Variants in LARGE1 observed in about 807,000 individuals in gnomAD.
LARGE1 encodes the protein LARGE xylosyl- and glucuronyltransferase 1.
LARGE1 carries 43 observed loss-of-function variants against 87.6 expected under a neutral mutation model. That is an observed-to-expected ratio of 0.49 (90% confidence interval 0.38 to 0.63). The LOEUF (loss-of-function observed/expected upper bound fraction) is 0.63. LARGE1 is among the 30% of genes least tolerant of loss of function. LARGE1 has a pLI of 0.00. For missense variants in LARGE1, 802 were observed against 1,000.2 expected (o/e 0.80, Z 2.67); for synonymous variants, 434 against 394.6 (o/e 1.10, Z -1.18).
At chr22:33,174,672 C>G (rs1019993337) in intron 11 of LARGE1, among the ~76,000 whole-genome samples, 1 of 152,040 alleles carries the variant, frequency 6.6e-6, no homozygotes, top group African/African-American at 2.4e-5. Context: ...CACCACGGAT[C>G]CCATAGAAAT....
the LARGE1 span, among the ~76,000 whole-genome samples, chr22:33,118,335 A>T: frequency 6.6e-6 from 1 of 151,798 alleles, no homozygotes; most frequent in Admixed American, 6.6e-5. Context: ...AAAAATAAAA[A>T]TAAAAAATTA....
At chr22:33,719,939 A>C (rs994753898) in intron 2 of LARGE1, among the ~76,000 whole-genome samples, 22 of 152,270 alleles carry the variant, frequency 1.4e-4, no homozygotes, top group Admixed American at 1.4e-3. Flanking sequence ...TGCTGCCTAG[A>C]GGCAATAGGC....
intron 11 of LARGE1, chr22:33,166,859 G>A: frequency 2.1e-6 from 1 of 471,268 alleles, no homozygotes; most frequent in Non-Finnish European, 4.4e-6. Context: ...ATGAGAAAGG[G>A]TTGATTCAAA....
chr22:33,810,462 T>C (rs953852501), intron 1 of LARGE1, among the ~76,000 whole-genome samples: 2 of 152,192 alleles, frequency 1.3e-5, no homozygotes, highest in African/African-American at 4.8e-5. Flanking sequence ...TTCACAAATA[T>C]CAGCTCTTCA....
the LARGE1 span, among the ~76,000 whole-genome samples, chr22:33,131,061 A>C: frequency 7.2e-6 from 1 of 138,722 alleles, no homozygotes; most frequent in African/African-American, 2.6e-5. Context: ...AAAAAAAAAA[A>C]GTAACTATCG....
chr22:33,714,035 A>AC (rs1556008352), intron 2 of LARGE1, among the ~76,000 whole-genome samples: 2 of 152,012 alleles, frequency 1.3e-5, no homozygotes, highest in South Asian at 2.1e-4. Flanking sequence ...ACATAACATA[A>AC]AACAAAATGA....
chr22:33,625,849 T>A (rs2079904178), intron 4 of LARGE1, among the ~76,000 whole-genome samples: 1 of 152,196 alleles, frequency 6.6e-6, no homozygotes, highest in South Asian at 2.1e-4. Flanking sequence ...AGTCATATTC[T>A]CAGGTACCAG....
intron 5 of LARGE1, among the ~76,000 whole-genome samples, chr22:33,597,436 C>G (rs1055344662): frequency 2.6e-5 from 4 of 152,110 alleles, no homozygotes; most frequent in Non-Finnish European, 5.9e-5. Flanking sequence ...AGTTTACCCA[C>G]CCCCTACATG....
At chr22:33,281,184 C>T (rs1930372332) in intron 13 of LARGE1, among the ~76,000 whole-genome samples, 1 of 152,128 alleles carries the variant, frequency 6.6e-6, no homozygotes, top group East Asian at 1.9e-4. Flanking sequence ...CACAGCAGGC[C>T]ACACCCCAGC....
At chr22:33,704,153 C>T (rs946237835) in intron 2 of LARGE1, among the ~76,000 whole-genome samples, 1 of 152,184 alleles carries the variant, frequency 6.6e-6, no homozygotes, top group Non-Finnish European at 1.5e-5. Context: ...TTATTATAGA[C>T]TGTAATTACT....
At chr22:33,483,487 T>A (rs1454020969) in intron 6 of LARGE1, among the ~76,000 whole-genome samples, 2 of 151,920 alleles carry the variant, frequency 1.3e-5, no homozygotes, top group Non-Finnish European at 2.9e-5. Flanking sequence ...GGTGAACAGA[T>A]AGGGACAGAA....
At chr22:33,545,809 C>T (rs2077346900) in intron 6 of LARGE1, among the ~76,000 whole-genome samples, 1 of 152,154 alleles carries the variant, frequency 6.6e-6, no homozygotes, top group Admixed American at 6.5e-5. Context: ...GTTTCGAACT[C>T]CTGAGCTCAA....
chr22:33,506,194 C>T (rs563569538), intron 6 of LARGE1, among the ~76,000 whole-genome samples: 2 of 151,780 alleles, frequency 1.3e-5, no homozygotes, highest in Admixed American at 6.6e-5. Context: ...GTATGTGCTA[C>T]ATAATATATA....
chr22:33,569,212 A>C (rs1182960098), intron 5 of LARGE1, among the ~76,000 whole-genome samples: 1 of 152,118 alleles, frequency 6.6e-6, no homozygotes, highest in Non-Finnish European at 1.5e-5. Context: ...ATTTAATCAG[A>C]CCTTTGATTA....
chr22:33,511,724 C>T (rs1029005434), intron 6 of LARGE1, among the ~76,000 whole-genome samples: 1 of 152,206 alleles, frequency 6.6e-6, no homozygotes, highest in East Asian at 1.9e-4. Flanking sequence ...TCTGGCAAGG[C>T]AAGTTCTGCT....
intron 3 of LARGE1, among the ~76,000 whole-genome samples, chr22:33,633,198 A>G (rs1347614655): frequency 6.6e-6 from 1 of 152,164 alleles, no homozygotes; most frequent in Non-Finnish European, 1.5e-5. Context: ...AGGCAATTTG[A>G]TAGTTAACCA....
chr22:33,098,202 G>C, the LARGE1 span, among the ~76,000 whole-genome samples: 1 of 152,240 alleles, frequency 6.6e-6, no homozygotes, highest in Non-Finnish European at 1.5e-5. Flanking sequence ...CAGCTACTTT[G>C]GTGGCTGAGG....
chr22:33,161,602 T>C (rs1922026271), downstream of LARGE1, among the ~76,000 whole-genome samples: 2 of 152,322 alleles, frequency 1.3e-5, no homozygotes, highest in South Asian at 4.1e-4. Flanking sequence ...CAGGCCCCAT[T>C]GCAAGTCCAA....
the LARGE1 span, among the ~76,000 whole-genome samples, chr22:33,079,221 C>CTG: frequency 1.2e-5 from 1 of 85,776 alleles, no homozygotes; most frequent in African/African-American, 5.0e-5. Context: ...AGTTATCATT[C>CTG]TTTTTTTTTT....
Sources: gnomAD v4.1 joint callset for allele counts (sites outside exome capture counted in the v4.1 genomes callset) on GRCh38, gnomAD v4.1.1 for gene constraint, MANE v1.5 for transcripts, NCBI Gene and HGNC (gene_info 2026-07-23, HGNC 2026-07-21) for gene names.